The following HSPH1 variants were observed in gnomAD, a reference collection of about 807,000 sequenced individuals.
HSPH1 encodes heat shock protein 105 kDa.
HSPH1 carries 40 observed loss-of-function variants against 100.0 expected under a neutral mutation model. The ratio of observed to expected loss-of-function variants is 0.40; its 90% CI spans 0.31 to 0.52. The LOEUF (loss-of-function observed/expected upper bound fraction) is 0.52, where lower values mean the gene tolerates loss of function less well. Ranked by LOEUF, HSPH1 falls within the 20% of genes least tolerant of loss-of-function variation. The pLI, the probability that HSPH1 is intolerant of heterozygous loss-of-function variation, is 0.54. For synonymous variants in HSPH1, 403 were observed against 344.0 expected (o/e 1.17, Z -1.90); for missense variants, 876 against 1,015.1 (o/e 0.86, Z 1.86).
At chr13:31,143,760 G>T in intron 12 of HSPH1, 32 bp downstream of exon 12, 2 of 1,574,834 alleles carry the variant, frequency 1.3e-6, no homozygotes, top group South Asian at 1.2e-5. Flanking sequence ...TTGCAACATT[G>T]TCTAATGGAA....
Position 31,155,610 on chromosome 13 carries a change from A to C in HSPH1, c.210T>G (p.Phe70Leu). The change falls in exon 3 of 18, where the codon TTT becomes TTG. Residue 70 changes from phenylalanine to leucine, a missense_variant. Transcript: ENST00000320027. ...AGGGGTCATTGAATGCTCGGCCATG[A>C]AATCTTTTGAAGTTAGACACCGTAT... ...ANNTVSNFKRFHGRAFNDPFI... is the reference protein window; with the variant it reads ...ANNTVSNFKRLHGRAFNDPFI... 6.2e-7 allele frequency: 1 copy of C among 1,611,852 alleles called. No homozygotes were observed. Among genetic ancestry groups the C allele is most frequent in the Non-Finnish European group, 8.5e-7 (1 of 1,178,560 alleles).
In HSPH1 at chr13:31,154,748, T is replaced by A; in HGVS notation, c.314A>T (p.Tyr105Phe). The A allele has an allele frequency of 6.2e-7, 1 of 1,613,172 alleles. No homozygotes were observed. The highest frequency in any genetic ancestry group is 8.5e-7 in the Non-Finnish European group (1 of 1,179,326). ...ACTAAATAGATGTTCTTCACCCATG[T>A]ACATTACCTATATTGAAGGGAAAAA... ...KNGGVGIKVM[Y>F]MGEEHLFSVE... Residue 105 changes from tyrosine (Y) to phenylalanine (F), a missense_variant, in exon 4 of 18, where the codon TAC becomes TTC. Coordinates refer to ENST00000320027, the MANE Select transcript of HSPH1 (RefSeq NM_006644.4).
chr13:31,151,474 C>T (rs1483658035), intron 6 of HSPH1, 135 bp downstream of exon 6: 4 of 810,522 alleles, frequency 4.9e-6, no homozygotes, highest in African/African-American at 3.5e-5. Context: ...CCTTAGCAAC[C>T]GTTTCCTGTT....
chr13:31,158,134 G>A (rs1311291609), intron 2 of HSPH1, among the ~76,000 whole-genome samples: 2 of 152,306 alleles, frequency 1.3e-5, no homozygotes, highest in South Asian at 2.1e-4. Flanking sequence ...TAATTTCTTA[G>A]AAGTTCCTTC....
intron 12 of HSPH1, among the ~76,000 whole-genome samples, chr13:31,142,641 A>G (rs1483374065): frequency 2.0e-5 from 3 of 152,102 alleles, no homozygotes; most frequent in Non-Finnish European, 4.4e-5. Context: ...AGCATCACAA[A>G]ATGGCATTTC....
At position 31,151,890 on chromosome 13, in the gene HSPH1, C is replaced by T. The variant is rs562723845; in HGVS notation, c.530-148G>A. 50 of 612,090 alleles carry T rather than the reference C, an allele frequency of 8.2e-5. No homozygotes were observed. The East Asian group carries it at 1.4e-3, about 17-fold the overall frequency. 37.9% of individuals were successfully genotyped at this position (612,090 alleles called of 1,614,324 possible). On this transcript the variant is annotated intron_variant, in intron 5 of 17. Coordinates refer to ENST00000320027, the MANE Select transcript of HSPH1 (RefSeq NM_006644.4). ...TACATTCCTTTTATACCTGACTTCA[C>T]ACTGATTTTCTTGGAATTAATTATT... is the stretch of plus-strand genomic sequence containing the variant.
At chr13:31,148,128 G>C in intron 9 of HSPH1, 36 bp from the exon 10 acceptor site, 2 of 1,588,264 alleles carry the variant, frequency 1.3e-6, no homozygotes, top group Non-Finnish European at 1.7e-6. Context: ...AGCAGATGAA[G>C]AACTTAAAAT....
rs1329836447 is a variant in HSPH1 at position 31,137,081 on chromosome 13, C to G, written c.*237G>C. On this transcript the variant is annotated 3_prime_UTR_variant, in exon 18 of 18. Transcript: ENST00000320027. ...CAGTGATGCAAATGGTGAGACTGCA[C>G]AGAAAGCTTAGTATGAATTCACAAT... 1.5e-6 allele frequency: 1 copy of G among 673,496 alleles called. No individual in the cohort carries two copies. 41.7% of individuals were successfully genotyped at this position (673,496 alleles called of 1,614,324 possible).
chr13:31,151,832 C>CTATT, intron 5 of HSPH1, 90 bp from the exon 6 acceptor site: 1 of 1,122,078 alleles, frequency 8.9e-7, no homozygotes, highest in Non-Finnish European at 1.3e-6. Flanking sequence ...GGAAGCTTGA[C>CTATT]TATTAACTTG....
chr13:31,155,389 C>A (rs1956646915), intron 3 of HSPH1, 125 bp downstream of exon 3: 1 of 651,672 alleles, frequency 1.5e-6, no homozygotes, highest in East Asian at 2.8e-5. Context: ...TTAAAAGGAG[C>A]TGAATAAAAA....
chr13:31,161,694 G>C lies in HSPH1; in HGVS notation c.-112C>G. 1 of 1,542,036 alleles carries C rather than the reference G, an allele frequency of 6.5e-7. No homozygotes were observed. The highest frequency in any genetic ancestry group is 8.7e-7 in the Non-Finnish European group (1 of 1,150,274). ...TGGCCGCGTTCTGCTCCGGCCCGCG[G>C]GGTCTGGCCGTTCCTCTGACACTCA... On this transcript the variant is annotated 5_prime_UTR_variant, in exon 1 of 18. Transcript: ENST00000320027.
At position 31,141,158 on chromosome 13, in the gene HSPH1, T is replaced by G; in HGVS notation, c.1818A>C (p.Leu606Phe). ...TATACATGTTAAGAAGGTCTTTCCC[T>G]AACTGCCAGACCAAGTTGGCTTCAA... is the stretch of plus-strand genomic sequence containing the variant. ...LPIEANLVWQ[L>F]GKDLLNMYIE... Residue 606 changes from leucine (L) to phenylalanine (F), a missense_variant, in exon 13 of 18, where the codon TTA becomes TTC. Coordinates refer to ENST00000320027, the MANE Select transcript of HSPH1 (RefSeq NM_006644.4). The G allele has an allele frequency of 6.2e-7, 1 of 1,607,000 alleles. No individual in the cohort carries two copies. Among genetic ancestry groups the G allele is most frequent in the Non-Finnish European group, 8.5e-7 (1 of 1,175,810 alleles).
At chr13:31,144,209 A>G (rs979278940) in intron 11 of HSPH1, among the ~76,000 whole-genome samples, 1 of 152,198 alleles carries the variant, frequency 6.6e-6, no homozygotes, top group Admixed American at 6.6e-5. Context: ...CTCCCTTAGG[A>G]AGCTCATCTA....
At chr13:31,140,086 T>C (rs1326287622) in intron 14 of HSPH1, 98 bp downstream of exon 14, 8 of 1,193,254 alleles carry the variant, frequency 6.7e-6, no homozygotes, top group Non-Finnish European at 9.2e-6. Context: ...AAAGTTTAAG[T>C]TACATAATTG....
At chr13:31,160,415 ACC>A (rs1956855419) in intron 1 of HSPH1, among the ~76,000 whole-genome samples, 1 of 152,176 alleles carries the variant, frequency 6.6e-6, no homozygotes. Context: ...TAATTGTATT[ACC>A]CCAGTCATTC....
intron 14 of HSPH1, 86 bp downstream of exon 14, chr13:31,140,098 G>T: frequency 7.8e-7 from 1 of 1,283,220 alleles, no homozygotes; most frequent in Admixed American, 2.3e-5. Context: ...ACATAATTGA[G>T]TAAAAGCTTA....
rs1956657090 is a variant in HSPH1, at chr13:31,155,597, A to T, written c.223T>A (p.Phe75Ile). 2.5e-6 allele frequency: 4 copies of T among 1,611,442 alleles called. No individual in the cohort carries two copies. Among genetic ancestry groups the T allele is most frequent in the Non-Finnish European group, 3.4e-6 (4 of 1,178,122 alleles). Residue 75 changes from phenylalanine to isoleucine, a missense_variant, in exon 3 of 18, where the codon TTC (phenylalanine) becomes ATC (isoleucine). Transcript: ENST00000320027. ...TCCTTTTGAATGAAGGGGTCATTGA[A>T]TGCTCGGCCATGAAATCTTTTGAAG... ...SNFKRFHGRAFNDPFIQKEKE... is the reference protein window; with the variant it reads ...SNFKRFHGRAINDPFIQKEKE...
chr13:31,143,416 T>A (rs9538558), intron 12 of HSPH1, among the ~76,000 whole-genome samples: 40,822 of 151,972 alleles, frequency 0.27, 5,742 homozygotes, highest in East Asian at 0.46. Context: ...CTATAGCCCA[T>A]ATATTTATCA....
At chr13:31,143,677 T>C in intron 12 of HSPH1, 115 bp downstream of exon 12, 4 of 927,792 alleles carry the variant, frequency 4.3e-6, no homozygotes, top group Non-Finnish European at 6.0e-6. Context: ...CAGAAAAAAA[T>C]CCTACACAGA....
Sources: gnomAD v4.1 joint callset for allele counts (sites outside exome capture counted in the v4.1 genomes callset) on GRCh38, gnomAD v4.1.1 for gene constraint, MANE v1.5 for transcripts, NCBI Gene and HGNC (gene_info 2026-07-23, HGNC 2026-07-21) for gene names.